LRBA: variants seen among roughly 807,000 people sequenced by gnomAD.
The protein encoded by LRBA is LPS responsive beige-like anchor protein.
A neutral mutation model predicts 330.0 loss-of-function variants in LRBA; 176 were observed. That is an observed-to-expected ratio of 0.53 (90% CI 0.47 to 0.60). LRBA has a LOEUF of 0.60. Among genes scored for constraint, LRBA ranks in the 20% least tolerant of loss-of-function variants. LRBA has a pLI of 0.00. For missense variants in LRBA, 3,259 were observed against 3,444.8 expected (o/e 0.95, Z 1.35); for synonymous variants, 1,230 against 1,193.0 (o/e 1.03, Z -0.64).
intron 40 of LRBA, among the ~76,000 whole-genome samples, chr4:150,500,532 C>T (rs1183584360): frequency 6.6e-6 from 1 of 152,036 alleles, no homozygotes; most frequent in Non-Finnish European, 1.5e-5. Context: ...GAGCTGAGAT[C>T]GGACTACTGC....
At chr4:150,544,154 G>A (rs1012886747) in intron 40 of LRBA, among the ~76,000 whole-genome samples, 2 of 150,708 alleles carry the variant, frequency 1.3e-5, no homozygotes, top group Non-Finnish European at 2.9e-5. Flanking sequence ...TCAAGACAGA[G>A]TCTCAATCTG....
intron 47 of LRBA, among the ~76,000 whole-genome samples, chr4:150,365,803 A>T (rs1239800264): frequency 2.6e-5 from 4 of 151,918 alleles, no homozygotes; most frequent in Admixed American, 6.6e-5. Flanking sequence ...AAAAAAAAAA[A>T]AAAAAAAAAG....
intron 48 of LRBA, 54 bp from the exon 49 acceptor site, chr4:150,325,952 A>G: frequency 2.1e-6 from 2 of 937,054 alleles, no homozygotes; most frequent in Non-Finnish European, 3.5e-6. Flanking sequence ...TACAGGAAAT[A>G]GAACCCCAAC....
chr4:150,797,644 G>A (rs886356189), intron 34 of LRBA, among the ~76,000 whole-genome samples: 1 of 151,922 alleles, frequency 6.6e-6, no homozygotes, highest in African/African-American at 2.4e-5. Context: ...CAAATCTACT[G>A]TGCATGTCAA....
chr4:150,578,424 T>C (rs1770813443), intron 40 of LRBA, among the ~76,000 whole-genome samples: 1 of 152,214 alleles, frequency 6.6e-6, no homozygotes, highest in Non-Finnish European at 1.5e-5. Flanking sequence ...AATATATTTG[T>C]ATAAATAGTT....
At chr4:150,431,424 T>C (rs906582453) in intron 46 of LRBA, among the ~76,000 whole-genome samples, 1 of 152,140 alleles carries the variant, frequency 6.6e-6, no homozygotes, top group Non-Finnish European at 1.5e-5. Context: ...AACAATGCTC[T>C]GAATCTGCAC....
At chr4:150,575,055 C>T (rs1460473790) in intron 40 of LRBA, among the ~76,000 whole-genome samples, 4 of 151,906 alleles carry the variant, frequency 2.6e-5, no homozygotes, top group African/African-American at 9.7e-5. Flanking sequence ...AAGAGAATGA[C>T]TCTTTATGAT....
intron 48 of LRBA, among the ~76,000 whole-genome samples, chr4:150,327,858 T>G (rs1733495763): frequency 6.6e-6 from 1 of 152,094 alleles, no homozygotes; most frequent in South Asian, 2.1e-4. Flanking sequence ...CCTCAGGAGT[T>G]TATGTAGGAA....
At chr4:150,596,043 A>C (rs1329164813) in intron 38 of LRBA, among the ~76,000 whole-genome samples, 1 of 151,988 alleles carries the variant, frequency 6.6e-6, no homozygotes, top group Non-Finnish European at 1.5e-5. Context: ...TTTTAATTTT[A>C]AAATATGACT....
chr4:150,428,044 T>G (rs933309630), intron 46 of LRBA, among the ~76,000 whole-genome samples: 4 of 152,086 alleles, frequency 2.6e-5, no homozygotes, highest in African/African-American at 9.6e-5. Context: ...TATTCTATGA[T>G]CACCTCTACT....
At chr4:150,665,933 C>A (rs968995227) in intron 37 of LRBA, among the ~76,000 whole-genome samples, 1 of 152,104 alleles carries the variant, frequency 6.6e-6, no homozygotes, top group Non-Finnish European at 1.5e-5. Flanking sequence ...AATGGAGGAA[C>A]CTCAAATTAC....
intron 2 of LRBA, among the ~76,000 whole-genome samples, chr4:150,973,059 GA>G (rs1160636283): frequency 5.3e-5 from 8 of 152,344 alleles, no homozygotes; most frequent in African/African-American, 1.9e-4. Flanking sequence ...GCCAAGGAAG[GA>G]GGATCACTTG....
chr4:150,320,045 A>G (rs1050547215), intron 50 of LRBA, among the ~76,000 whole-genome samples: 1 of 152,168 alleles, frequency 6.6e-6, no homozygotes, highest in African/African-American at 2.4e-5. Flanking sequence ...CAGAAGTTTA[A>G]AAGATTTTCC....
At chr4:150,407,765 G>A (rs551743924) in intron 47 of LRBA, among the ~76,000 whole-genome samples, 83 of 152,078 alleles carry the variant, frequency 5.5e-4, no homozygotes, top group Middle Eastern at 3.4e-3. Flanking sequence ...AGGGGATTTT[G>A]GAAAATATTT....
chr4:150,580,752 A>C (rs957037348), intron 40 of LRBA: 7 of 152,214 alleles, frequency 4.6e-5, no homozygotes, highest in African/African-American at 1.7e-4. Flanking sequence ...TTTCACCCAA[A>C]AGTATGGAAA....
At chr4:150,704,544 T>C (rs1785431883) in intron 36 of LRBA, among the ~76,000 whole-genome samples, 1 of 152,118 alleles carries the variant, frequency 6.6e-6, no homozygotes. Context: ...ATTCTATTTT[T>C]AAAAGAATTT....
chr4:150,871,109 G>T (rs1244122258), intron 19 of LRBA, among the ~76,000 whole-genome samples: 1 of 152,148 alleles, frequency 6.6e-6, no homozygotes, highest in Non-Finnish European at 1.5e-5. Context: ...CGGGTTAGGT[G>T]GTGTGCACCT....
chr4:150,288,088 T>C (rs1029551384), intron 53 of LRBA, among the ~76,000 whole-genome samples: 2 of 151,594 alleles, frequency 1.3e-5, no homozygotes, highest in African/African-American at 4.8e-5. Context: ...GCCTTCCAGG[T>C]TCACACCATT....
At chr4:150,763,943 A>T (rs540203624) in intron 34 of LRBA, among the ~76,000 whole-genome samples, 1 of 152,158 alleles carries the variant, frequency 6.6e-6, no homozygotes, top group South Asian at 2.1e-4. Flanking sequence ...GAGATGCCAC[A>T]GCCAAACAAC....
Sources: allele counts gnomAD v4.1 joint callset (sites outside exome capture counted in the v4.1 genomes callset), GRCh38; gene constraint gnomAD v4.1.1; transcripts MANE v1.5; gene names NCBI Gene and HGNC (gene_info 2026-07-23, HGNC 2026-07-21).